The following SGCD variants were observed in gnomAD, a reference collection of about 807,000 sequenced individuals.
SGCD encodes delta-sarcoglycan.
A neutral mutation model predicts 36.6 loss-of-function variants in SGCD; 18 were observed. That is an observed-to-expected ratio of 0.49 (90% CI 0.34 to 0.73). The LOEUF (loss-of-function observed/expected upper bound fraction) is 0.73. Ranked by LOEUF, SGCD falls within the 30% of genes least tolerant of loss-of-function variation. The pLI is 0.01. For missense variants in SGCD, 387 were observed against 346.7 expected (o/e 1.12, Z -0.92); for synonymous variants, 133 against 130.6 (o/e 1.02, Z -0.12).
chr5:155,812,719 A>G, the SGCD span, among the ~76,000 whole-genome samples: 2 of 152,190 alleles, frequency 1.3e-5, no homozygotes, highest in African/African-American at 2.4e-5. Flanking sequence ...CCAATCGCCA[A>G]TGCAGATTTC....
At chr5:156,532,713 G>A (rs773379082) in intron 4 of SGCD, among the ~76,000 whole-genome samples, 49 of 152,000 alleles carry the variant, frequency 3.2e-4, no homozygotes, top group Non-Finnish European at 5.4e-4. Context: ...TGCCCACCTC[G>A]GCCTCCCAAA....
At chr5:155,821,069 T>C in the SGCD span, among the ~76,000 whole-genome samples, 1 of 152,120 alleles carries the variant, frequency 6.6e-6, no homozygotes, top group African/African-American at 2.4e-5. Flanking sequence ...GTGTTAGTGA[T>C]AGTCATAGAA....
chr5:156,541,752 C>T (rs1163558739), intron 4 of SGCD, among the ~76,000 whole-genome samples: 1 of 152,040 alleles, frequency 6.6e-6, no homozygotes, highest in Non-Finnish European at 1.5e-5. Flanking sequence ...TATAGAAACC[C>T]TATAAAGTAA....
intron 1 of SGCD, among the ~76,000 whole-genome samples, chr5:156,082,109 T>G (rs1760970526): frequency 6.6e-6 from 1 of 152,122 alleles, no homozygotes; most frequent in Non-Finnish European, 1.5e-5. Context: ...TCAATCTGAG[T>G]TTAATTAATG....
intron 6 of SGCD, among the ~76,000 whole-genome samples, chr5:156,605,897 TTTTTTTCTCGTAAA>T (rs1761422404): frequency 6.6e-6 from 1 of 152,182 alleles, no homozygotes; most frequent in Non-Finnish European, 1.5e-5. Flanking sequence ...GATGGGGTTG[TTTTTTTCTCGTAAA>T]TTTGTTGGAG....
At chr5:156,317,348 CA>C (rs1441714978) in intron 3 of SGCD, among the ~76,000 whole-genome samples, 6 of 152,118 alleles carry the variant, frequency 3.9e-5, no homozygotes, top group Admixed American at 3.3e-4. Flanking sequence ...TTCTACTTTA[CA>C]GAGGAGAACT....
In SGCD at chr5:156,653,493, C is replaced by CTTTTTTTTTTTTTTTTTTTTTTTTTTTT. The variant is rs111458843; in HGVS notation, c.575+5972_575+5973insTTTTTTTTTTTTTTTTTTTTTTTTTTTT. ...TTTTCTTACGTAATTCTAAAGCTTG[C>CTTTTTTTTTTTTTTTTTTTTTTTTTTTT]TTTTTTTTTTTTTTTGCCCCTGTTG... On this transcript the variant is annotated intron_variant, in intron 7 of 8. Transcript: ENST00000337851. Among the ~76,000 whole-genome samples, 40 of 48,104 alleles carry CTTTTTTTTTTTTTTTTTTTTTTTTTTTT rather than the reference C, an allele frequency of 8.3e-4. 16 individuals carry two copies. The highest frequency in any genetic ancestry group is 1.4e-3 in the African/African-American group (22 of 15,584). 31.6% of individuals were successfully genotyped at this position (48,104 alleles called of 152,430 possible).
intron 7 of SGCD, among the ~76,000 whole-genome samples, chr5:156,656,848 C>T (rs1763702468): frequency 6.6e-6 from 1 of 152,154 alleles, no homozygotes; most frequent in Admixed American, 6.5e-5. Context: ...TACGATACAT[C>T]TATTACTCCC....
At position 156,560,611 on chromosome 5, in the gene SGCD, C is replaced by T. The variant is rs75724215; in HGVS notation, c.295-28620C>T. Reference sequence around the variant, plus strand: ...TCAGATTCAGATGGAATTTACAACCCGTTAGTAAGGTAATATTGGATAATT... The same window carrying T: ...TCAGATTCAGATGGAATTTACAACCTGTTAGTAAGGTAATATTGGATAATT... On this transcript the variant is annotated intron_variant, in intron 4 of 8. Coordinates refer to ENST00000337851, the MANE Select transcript of SGCD (RefSeq NM_000337.6). Among the ~76,000 whole-genome samples the T allele has an allele frequency of 0.012, 1,882 of 152,184 alleles. 91 individuals carry two copies. In the East Asian group the frequency reaches 0.17, roughly 14 times the overall value.
At chr5:156,625,144 G>C (rs1273720581) in intron 6 of SGCD, among the ~76,000 whole-genome samples, 1 of 152,088 alleles carries the variant, frequency 6.6e-6, no homozygotes, top group Non-Finnish European at 1.5e-5. Context: ...CCCCTCCCCA[G>C]CACCATAGGA....
At chr5:155,956,898 C>A (rs1396144426) in intron 1 of SGCD, among the ~76,000 whole-genome samples, 1 of 151,160 alleles carries the variant, frequency 6.6e-6, no homozygotes, top group Non-Finnish European at 1.5e-5. Flanking sequence ...TTTATAGGTA[C>A]CGAGGGTTGG....
At chr5:156,662,001 G>T in intron 7 of SGCD, among the ~76,000 whole-genome samples, 1 of 105,750 alleles carries the variant, frequency 9.5e-6, no homozygotes. Flanking sequence ...AAGTTGGAGT[G>T]GGGCTAAGGG....
At chr5:156,567,740 T>C (rs1432754429) in intron 4 of SGCD, among the ~76,000 whole-genome samples, 2 of 152,210 alleles carry the variant, frequency 1.3e-5, no homozygotes, top group Non-Finnish European at 2.9e-5. Context: ...GTCTAATGCA[T>C]ACTTTGCAGC....
intron 3 of SGCD, among the ~76,000 whole-genome samples, chr5:156,205,929 G>T (rs1764263356): frequency 6.6e-6 from 1 of 150,654 alleles, no homozygotes; most frequent in Non-Finnish European, 1.5e-5. Flanking sequence ...CAAGGGAGAT[G>T]ACCTGTCCTG....
chr5:156,330,461 G>A (rs1400648782), intron 2 of SGCD, among the ~76,000 whole-genome samples: 3 of 152,062 alleles, frequency 2.0e-5, no homozygotes, highest in Non-Finnish European at 2.9e-5. Flanking sequence ...CCTCTGAATT[G>A]TTTTCTGTTT....
chr5:156,712,109 C>A (rs965660190), intron 7 of SGCD, among the ~76,000 whole-genome samples: 1 of 152,270 alleles, frequency 6.6e-6, no homozygotes, highest in Non-Finnish European at 1.5e-5. Context: ...TTTACTGCAA[C>A]CTGTTTTATT....
intron 3 of SGCD, among the ~76,000 whole-genome samples, chr5:156,218,248 T>A (rs1764626190): frequency 6.6e-6 from 1 of 152,058 alleles, no homozygotes; most frequent in South Asian, 2.1e-4. Context: ...CGAGACTCCA[T>A]CTCAAAGATT....
At chr5:155,904,580 A>G (rs184450499) in intron 1 of SGCD, among the ~76,000 whole-genome samples, 6 of 152,136 alleles carry the variant, frequency 3.9e-5, no homozygotes, top group Non-Finnish European at 7.4e-5. Flanking sequence ...AAATGCTTAT[A>G]TAGTATGTAG....
intron 3 of SGCD, among the ~76,000 whole-genome samples, chr5:156,370,771 A>G (rs935974137): frequency 2.0e-5 from 3 of 152,198 alleles, no homozygotes; most frequent in African/African-American, 4.8e-5. Flanking sequence ...TGACATTAAT[A>G]GGAGCAAAAA....
Sources: gnomAD v4.1 joint callset for allele counts (sites outside exome capture counted in the v4.1 genomes callset) on GRCh38, gnomAD v4.1.1 for gene constraint, MANE v1.5 for transcripts, NCBI Gene and HGNC (gene_info 2026-07-23, HGNC 2026-07-21) for gene names.